The following HCN1 variants were observed in gnomAD, a reference collection of about 807,000 sequenced individuals.
The protein encoded by HCN1 is potassium/sodium hyperpolarization-activated cyclic nucleotide-gated channel 1.
A neutral mutation model predicts 78.9 loss-of-function variants in HCN1; 13 were observed. The observed-to-expected ratio is 0.16, with a 90% CI of 0.11 to 0.26. HCN1 has a LOEUF of 0.26. HCN1 is among the 10% of genes least tolerant of loss of function. The pLI, the probability that HCN1 is intolerant of heterozygous loss-of-function variation, is 1.00. For synonymous variants in HCN1, 552 were observed against 455.5 expected, an observed-to-expected ratio of 1.21 and a Z score of -2.70; for missense variants, 810 against 1,154.3, an observed-to-expected ratio of 0.70 and a Z score of 4.32.
intron 4 of HCN1, among the ~76,000 whole-genome samples, chr5:45,364,049 G>A (rs1002271475): frequency 6.6e-6 from 1 of 152,030 alleles, no homozygotes; most frequent in African/African-American, 2.4e-5. Context: ...AACTAAGACA[G>A]TATTACAAAC....
At chr5:45,286,064 A>C (rs1045112366) in intron 6 of HCN1, among the ~76,000 whole-genome samples, 3 of 151,986 alleles carry the variant, frequency 2.0e-5, no homozygotes, top group African/African-American at 7.2e-5. Context: ...CTGGAAATTA[A>C]CTTTTATTTA....
chr5:45,486,658 A>G (rs1254794466), intron 2 of HCN1, among the ~76,000 whole-genome samples: 1 of 152,126 alleles, frequency 6.6e-6, no homozygotes, highest in Non-Finnish European at 1.5e-5. Context: ...GCTACTTTAA[A>G]ATATAACAAT....
intron 2 of HCN1, among the ~76,000 whole-genome samples, chr5:45,473,569 A>AT (rs201474299): frequency 8.6e-4 from 129 of 149,316 alleles, no homozygotes; most frequent in African/African-American, 1.5e-3. Flanking sequence ...TGCCTCACCT[A>AT]TTTTTTTTCT....
intron 2 of HCN1, among the ~76,000 whole-genome samples, chr5:45,514,217 A>C (rs1208334354): frequency 1.3e-5 from 2 of 152,174 alleles, no homozygotes; most frequent in Non-Finnish European, 1.5e-5. Context: ...ATTCTGATTG[A>C]AAACCTAATG....
At chr5:45,284,473 T>C (rs769678867) in intron 6 of HCN1, among the ~76,000 whole-genome samples, 1 of 152,096 alleles carries the variant, frequency 6.6e-6, no homozygotes, top group Non-Finnish European at 1.5e-5. Flanking sequence ...AATAGCTAAG[T>C]AGGAGCAAAG....
chr5:45,461,743 T>C, intron 3 of HCN1, 103 bp downstream of exon 3: 1 of 1,093,646 alleles, frequency 9.1e-7, no homozygotes, highest in Non-Finnish European at 1.4e-6. Flanking sequence ...AAGTTGTCTG[T>C]AAACATTTAT....
chr5:45,395,330 A>G (rs1739665445), intron 4 of HCN1, among the ~76,000 whole-genome samples: 1 of 152,158 alleles, frequency 6.6e-6, no homozygotes. Flanking sequence ...TCAGCATTGT[A>G]TAAAGTCTCT....
At chr5:45,444,765 T>C (rs1270002565) in intron 3 of HCN1, among the ~76,000 whole-genome samples, 1 of 152,030 alleles carries the variant, frequency 6.6e-6, no homozygotes, top group East Asian at 1.9e-4. Flanking sequence ...GTTATTATTT[T>C]TACTTTATTC....
chr5:45,615,819 G>A (rs953830389), intron 2 of HCN1, among the ~76,000 whole-genome samples: 2 of 151,666 alleles, frequency 1.3e-5, no homozygotes, highest in African/African-American at 2.4e-5. Flanking sequence ...TCTCATTTCC[G>A]TCCTCAAGAA....
At chr5:45,359,027 C>A (rs1008460624) in intron 4 of HCN1, among the ~76,000 whole-genome samples, 2 of 152,052 alleles carry the variant, frequency 1.3e-5, no homozygotes, top group Admixed American at 6.6e-5. Flanking sequence ...CTTTCTGTAA[C>A]CCCAAGATGG....
At chr5:45,409,397 A>G (rs1739985122) in intron 3 of HCN1, among the ~76,000 whole-genome samples, 1 of 152,086 alleles carries the variant, frequency 6.6e-6, no homozygotes, top group African/African-American at 2.4e-5. Flanking sequence ...AAATATAGAC[A>G]AACTTAAACT....
chr5:45,369,594 T>A (rs1747310932), intron 4 of HCN1, among the ~76,000 whole-genome samples: 1 of 152,110 alleles, frequency 6.6e-6, no homozygotes, highest in South Asian at 2.1e-4. Flanking sequence ...TATATTCGCA[T>A]CTGCCTGCAT....
intron 2 of HCN1, among the ~76,000 whole-genome samples, chr5:45,620,626 C>T (rs1279495530): frequency 1.3e-5 from 2 of 151,564 alleles, no homozygotes; most frequent in African/African-American, 2.4e-5. Context: ...CATTTACAGT[C>T]GAAAGGGAGG....
chr5:45,324,546 G>C (rs868595296), intron 5 of HCN1, among the ~76,000 whole-genome samples: 2 of 152,030 alleles, frequency 1.3e-5, no homozygotes, highest in South Asian at 4.1e-4. Flanking sequence ...CTTTTACACT[G>C]TTGGTGGGAC....
At chr5:45,320,184 T>A (rs1746095196) in intron 5 of HCN1, among the ~76,000 whole-genome samples, 1 of 151,804 alleles carries the variant, frequency 6.6e-6, no homozygotes, top group Non-Finnish European at 1.5e-5. Context: ...TCAAAAGACA[T>A]CCCTACCTGG....
intron 2 of HCN1, among the ~76,000 whole-genome samples, chr5:45,534,607 G>A (rs913958053): frequency 3.3e-5 from 5 of 151,358 alleles, no homozygotes; most frequent in Non-Finnish European, 5.9e-5. Flanking sequence ...AAAGTTTATG[G>A]AGGAAGATAA....
intron 2 of HCN1, among the ~76,000 whole-genome samples, chr5:45,495,534 C>G (rs536019049): frequency 1.6e-4 from 25 of 152,146 alleles, no homozygotes; most frequent in East Asian, 7.7e-4. Flanking sequence ...TATACAATCA[C>G]GTCGTCTGCA....
chr5:45,615,067 A>AAAAACAAAAC (rs573953193), intron 2 of HCN1, among the ~76,000 whole-genome samples: 1 of 151,994 alleles, frequency 6.6e-6, no homozygotes, highest in Non-Finnish European at 1.5e-5. Context: ...TTTCTGAGCT[A>AAAAACAAAAC]AAAACAAAAC....
At chr5:45,435,443 T>C (rs1740543230) in intron 3 of HCN1, among the ~76,000 whole-genome samples, 1 of 152,162 alleles carries the variant, frequency 6.6e-6, no homozygotes, top group Non-Finnish European at 1.5e-5. Flanking sequence ...GTAAAATCAA[T>C]ATGAAATACA....
Sources: gnomAD v4.1 joint callset for allele counts (sites outside exome capture counted in the v4.1 genomes callset) on GRCh38, gnomAD v4.1.1 for gene constraint, MANE v1.5 for transcripts, NCBI Gene and HGNC (gene_info 2026-07-23, HGNC 2026-07-21) for gene names.